Variants in MKLN1 observed in about 807,000 individuals in gnomAD.
MKLN1 encodes muskelin.
A neutral mutation model predicts 99.0 loss-of-function variants in MKLN1; 18 were observed. The ratio of observed to expected loss-of-function variants is 0.18; its 90% CI spans 0.13 to 0.27. MKLN1 has a LOEUF of 0.27. Ranked by LOEUF, MKLN1 falls within the 10% of genes least tolerant of loss-of-function variation. The pLI is 1.00. For synonymous variants in MKLN1, 288 were observed against 293.2 expected, an observed-to-expected ratio of 0.98 and a Z score of 0.18; for missense variants, 621 against 875.9, an observed-to-expected ratio of 0.71 and a Z score of 3.67.
intron 16 of MKLN1, among the ~76,000 whole-genome samples, chr7:131,476,821 A>G (rs370055304): frequency 1.3e-5 from 2 of 152,334 alleles, no homozygotes; most frequent in African/African-American, 2.4e-5. Flanking sequence ...GCTTTATGCT[A>G]TCTGATTTCA....
At chr7:131,232,586 T>G (rs1013058756) in intron 3 of MKLN1, among the ~76,000 whole-genome samples, 4 of 152,222 alleles carry the variant, frequency 2.6e-5, no homozygotes, top group African/African-American at 9.7e-5. Context: ...AATGATTAAC[T>G]GATTTGCCAA....
chr7:131,404,062 A>T (rs1333860143), intron 6 of MKLN1, among the ~76,000 whole-genome samples: 1 of 152,172 alleles, frequency 6.6e-6, no homozygotes, highest in African/African-American at 2.4e-5. Flanking sequence ...ACCCTACTTG[A>T]TAATGGTGTC....
At chr7:131,147,217 A>AT (rs71168371) in intron 2 of MKLN1, among the ~76,000 whole-genome samples, 9,902 of 136,234 alleles carry the variant, frequency 0.073, 516 homozygotes, top group South Asian at 0.26. Flanking sequence ...ACACCCAGCT[A>AT]TTTTTTTTTT....
At chr7:131,242,357 A>G (rs1444113911) in intron 3 of MKLN1, among the ~76,000 whole-genome samples, 1 of 152,128 alleles carries the variant, frequency 6.6e-6, no homozygotes, top group African/African-American at 2.4e-5. Flanking sequence ...GCACATAGCA[A>G]GACTCCATCT....
At chr7:131,408,434 A>G (rs977379532) in intron 6 of MKLN1, among the ~76,000 whole-genome samples, 4 of 152,190 alleles carry the variant, frequency 2.6e-5, no homozygotes, top group African/African-American at 4.8e-5. Context: ...TGTAATCTCT[A>G]TTTTGGTGCA....
chr7:131,154,186 T>A lies in MKLN1; in HGVS notation c.-297+11245T>A, dbSNP rs182902222. Among the ~76,000 whole-genome samples, 330 of 152,192 alleles carry A rather than the reference T, an allele frequency of 2.2e-3. 3 individuals carry two copies. The highest frequency in any genetic ancestry group is 7.4e-3 in the African/African-American group (306 of 41,506). On this transcript the variant is annotated intron_variant, in intron 2 of 7. Transcript: ENST00000416992. ...ATAGGAGGATTCACATCACAAAATA[T>A]TAATAGTAGTTACCTGTAAAAAATG...
At chr7:131,317,007 G>A (rs559018038) in intron 3 of MKLN1, among the ~76,000 whole-genome samples, 1 of 152,180 alleles carries the variant, frequency 6.6e-6, no homozygotes, top group Non-Finnish European at 1.5e-5. Flanking sequence ...GTGATGGGGA[G>A]AATGGAACCA....
chr7:131,488,958 G>A lies in MKLN1; in HGVS notation c.*1230G>A, dbSNP rs2116717221. 1 of 152,284 alleles carries A rather than the reference G, an allele frequency of 6.6e-6. No homozygotes were observed. Among genetic ancestry groups the A allele is most frequent in the East Asian group, 1.9e-4 (1 of 5,186 alleles). The allele number at this position is 152,284 out of a possible 1,614,324, so 9.4% of individuals were successfully genotyped here. On this transcript the variant is annotated 3_prime_UTR_variant, in exon 18 of 18. Transcript: ENST00000352689. ...CTGATGATGTGCTGTGGAATGCAAT[G>A]TGGGAAACCTACATCTGGCTAGTGC...
intron 3 of MKLN1, among the ~76,000 whole-genome samples, chr7:131,244,785 T>G (rs1403605196): frequency 6.6e-6 from 1 of 152,106 alleles, no homozygotes; most frequent in Non-Finnish European, 1.5e-5. Context: ...TCTTGGCCCC[T>G]TCTTTCCTCT....
intron 2 of MKLN1, among the ~76,000 whole-genome samples, chr7:131,201,885 A>G (rs1037248530): frequency 1.6e-4 from 24 of 152,190 alleles, no homozygotes; most frequent in Non-Finnish European, 2.8e-4. Context: ...TGGGTTAACA[A>G]TTCACTCTAA....
chr7:131,406,387 C>CTTT, intron 6 of MKLN1, among the ~76,000 whole-genome samples: 1 of 151,842 alleles, frequency 6.6e-6, no homozygotes, highest in Non-Finnish European at 1.5e-5. Flanking sequence ...TGATCAGTGC[C>CTTT]TTTTCTCTCT....
At chr7:131,382,015 TAATG>T (rs796827656) in intron 2 of MKLN1, among the ~76,000 whole-genome samples, 26 of 152,348 alleles carry the variant, frequency 1.7e-4, no homozygotes, top group African/African-American at 6.3e-4. Flanking sequence ...ATATACCTGT[TAATG>T]AACATTGAAT....
intron 1 of MKLN1, among the ~76,000 whole-genome samples, chr7:131,373,984 C>G (rs1336037593): frequency 6.6e-6 from 1 of 152,048 alleles, no homozygotes; most frequent in African/African-American, 2.4e-5. Context: ...ATTGACCTTT[C>G]CTCTGATGTT....
At chr7:131,409,229 A>G (rs1794798281) in intron 6 of MKLN1, among the ~76,000 whole-genome samples, 1 of 152,178 alleles carries the variant, frequency 6.6e-6, no homozygotes, top group African/African-American at 2.4e-5. Context: ...TTGCTGAATT[A>G]TATATCTAAA....
At chr7:131,200,094 T>C (rs905056651) in intron 2 of MKLN1, among the ~76,000 whole-genome samples, 1 of 152,110 alleles carries the variant, frequency 6.6e-6, no homozygotes, top group Non-Finnish European at 1.5e-5. Context: ...CTGCAACCTC[T>C]GCCTCCTGGG....
In MKLN1 at chr7:131,489,120, CAAGAT is replaced by C. The variant is rs1299724846; in HGVS notation, c.*1393_*1397del. The C allele has an allele frequency of 6.6e-6, 1 of 152,060 alleles. No homozygotes were observed. Among genetic ancestry groups the C allele is most frequent in the African/African-American group, 2.4e-5 (1 of 41,420 alleles). 9.4% of individuals were successfully genotyped at this position (152,060 alleles called of 1,614,324 possible). On this transcript the variant is annotated 3_prime_UTR_variant, in exon 18 of 18. Coordinates refer to ENST00000352689, the MANE Select transcript of MKLN1 (RefSeq NM_013255.5). ...TGGAATCAAGTATGTCCCTGAGTAG[CAAGAT>C]TAGGCCTCACCAAAGAAGAAATTAA...
intron 3 of MKLN1, among the ~76,000 whole-genome samples, chr7:131,271,288 C>T (rs2116557342): frequency 6.6e-6 from 1 of 152,140 alleles, no homozygotes; most frequent in South Asian, 2.1e-4. Context: ...TAAACCTTTG[C>T]CACGTTGAGG....
chr7:131,244,045 T>C (rs1797447696), intron 3 of MKLN1, among the ~76,000 whole-genome samples: 1 of 151,950 alleles, frequency 6.6e-6, no homozygotes, highest in Non-Finnish European at 1.5e-5. Context: ...TATGGTTGGA[T>C]CACAAGATTC....
At position 131,399,391 on chromosome 7, in the gene MKLN1, G is replaced by T; in HGVS notation, c.661G>T (p.Asp221Tyr). The change falls in exon 6 of 18, where the codon GAT becomes TAT. Residue 221 changes from aspartate (D) to tyrosine (Y), a missense_variant. Asp to Tyr is a radical substitution (Grantham distance 160). Transcript: ENST00000352689. ...TCATGACAAGCTGGTGTTGAAGGGT[G>T]ATTTTGATGCTTGCGAAGAGTTGAT... is the stretch of plus-strand genomic sequence containing the variant. ...DIHDKLVLKG[D>Y]FDACEELIEK... The T allele has an allele frequency of 1.2e-6, 2 of 1,614,004 alleles. No homozygotes were observed. The highest frequency in any genetic ancestry group is 1.7e-6 in the Non-Finnish European group (2 of 1,179,916).
Sources: gnomAD v4.1 joint callset for allele counts (sites outside exome capture counted in the v4.1 genomes callset) on GRCh38, gnomAD v4.1.1 for gene constraint, MANE v1.5 for transcripts, NCBI Gene and HGNC (gene_info 2026-07-23, HGNC 2026-07-21) for gene names.